TENM3: variants seen among roughly 807,000 people sequenced by gnomAD.
The protein encoded by TENM3 is teneurin-3.
Under a neutral mutation model 255.1 loss-of-function variants are expected in TENM3, and 63 were observed. That is an observed-to-expected ratio of 0.25 (90% CI 0.20 to 0.30). TENM3 has a LOEUF of 0.30. Among genes scored for constraint, TENM3 ranks in the 10% least tolerant of loss-of-function variants. TENM3 has a pLI of 1.00. For synonymous variants in TENM3, 1,306 were observed against 1,322.3 expected, an observed-to-expected ratio of 0.99 and a Z score of 0.27; for missense variants, 2,929 against 3,461.1, an observed-to-expected ratio of 0.85 and a Z score of 3.86.
chr4:182,481,386 TGTTA>T lies in TENM3; in HGVS notation c.512-119533_512-119530del, dbSNP rs767068658. On this transcript the variant is annotated intron_variant, in intron 3 of 27. Coordinates refer to ENST00000511685, the MANE Select transcript of TENM3 (RefSeq NM_001080477.4). ...ATTCTTATGAAATAAGTATAGCTCC[TGTTA>T]GTTATCTGTTTTAAACAATCTTTTG... Among the ~76,000 whole-genome samples, 16 of 152,234 alleles carry T rather than the reference TGTTA, an allele frequency of 1.1e-4. 1 individual carries two copies. The highest frequency in any genetic ancestry group is 5.8e-4 in the East Asian group (3 of 5,206).
chr4:182,539,198 G>C (rs1390278443), intron 3 of TENM3, among the ~76,000 whole-genome samples: 1 of 151,346 alleles, frequency 6.6e-6, no homozygotes, highest in African/African-American at 2.4e-5. Flanking sequence ...CATGGAGGAA[G>C]TGCTGAGAGA....
At chr4:182,715,105 A>G (rs1437662159) in intron 13 of TENM3, among the ~76,000 whole-genome samples, 1 of 152,150 alleles carries the variant, frequency 6.6e-6, no homozygotes, top group Non-Finnish European at 1.5e-5. Flanking sequence ...GCTGGTCCCA[A>G]ACTCCCGACC....
chr4:182,011,928 G>C, the TENM3 span, among the ~76,000 whole-genome samples: 1 of 152,166 alleles, frequency 6.6e-6, no homozygotes, highest in Non-Finnish European at 1.5e-5. Context: ...AAATAAACCA[G>C]TGTGTTATGG....
chr4:182,590,619 G>A (rs1026993049), intron 3 of TENM3, among the ~76,000 whole-genome samples: 6 of 151,220 alleles, frequency 4.0e-5, no homozygotes, highest in East Asian at 1.9e-4. Context: ...CAACACTTTG[G>A]GGGGCTGAGG....
the TENM3 span, among the ~76,000 whole-genome samples, chr4:181,847,329 CT>C: frequency 6.6e-6 from 1 of 152,166 alleles, no homozygotes; most frequent in South Asian, 2.1e-4. Context: ...TCACTATTTT[CT>C]TTTAAGTAAA....
chr4:182,802,944 CTTTAT>C lies in TENM3; in HGVS notation c.*2594_*2598del, dbSNP rs1420795736. On this transcript the variant is annotated 3_prime_UTR_variant, in exon 28 of 28. Transcript: ENST00000511685. ...TTGTTCTTTTCATTTGCCTTCTTAA[CTTTAT>C]ATGTGACCTGAATTTTCCATAACTT... 4 of 152,574 alleles carry C rather than the reference CTTTAT, an allele frequency of 2.6e-5. No homozygotes were observed. The highest frequency in any genetic ancestry group is 5.9e-5 in the Non-Finnish European group (4 of 68,044). The allele number at this position is 152,574 out of a possible 1,614,324, so 9.5% of individuals were successfully genotyped here. A position where few individuals can be genotyped will look rare whatever the true frequency, so the allele number is the denominator to read the frequency against.
At chr4:181,845,708 C>T in the TENM3 span, among the ~76,000 whole-genome samples, 34 of 152,144 alleles carry the variant, frequency 2.2e-4, no homozygotes, top group African/African-American at 4.1e-4. Context: ...CATTTATTAA[C>T]GCTCTATACC....
chr4:182,211,127 C>T (rs1265352371), intron 1 of TENM3, among the ~76,000 whole-genome samples: 4 of 152,216 alleles, frequency 2.6e-5, no homozygotes, highest in Non-Finnish European at 5.9e-5. Context: ...AGCAGCATTA[C>T]TCCCCTTAAG....
intron 22 of TENM3, among the ~76,000 whole-genome samples, chr4:182,763,232 A>G (rs1326826323): frequency 1.3e-5 from 2 of 152,238 alleles, no homozygotes; most frequent in East Asian, 3.9e-4. Context: ...TAAGTCAAGC[A>G]TCAGCTAGAA....
At chr4:182,387,658 C>T (rs917853129) in intron 3 of TENM3, among the ~76,000 whole-genome samples, 1 of 152,022 alleles carries the variant, frequency 6.6e-6, no homozygotes, top group Non-Finnish European at 1.5e-5. Context: ...ACGAGCCCAC[C>T]GGGAGGAAAG....
rs528027971 is a variant in TENM3 at position 182,252,591 on chromosome 4, T to C, written c.-76+9115T>C. 3.3e-5 allele frequency among the ~76,000 whole-genome samples: 5 copies of C among 152,332 alleles called. No individual in the cohort carries two copies. The South Asian group carries it at 1.0e-3, about 32-fold the overall frequency. On this transcript the variant is annotated intron_variant, in intron 1 of 27. Transcript: ENST00000511685. ...TAGACCTTCAGAGTCCCTCCTATTGTTATTTTTTTCCAGATCACTGTTACG... is the reference window on the plus strand; with the variant it reads ...TAGACCTTCAGAGTCCCTCCTATTGCTATTTTTTTCCAGATCACTGTTACG...
chr4:182,771,684 G>C (rs1561229660), intron 22 of TENM3, among the ~76,000 whole-genome samples: 1 of 152,138 alleles, frequency 6.6e-6, no homozygotes, highest in Non-Finnish European at 1.5e-5. Context: ...CTGTAACTCT[G>C]CGCTGCTTGT....
the TENM3 span, among the ~76,000 whole-genome samples, chr4:182,071,955 A>T: frequency 1.3e-5 from 2 of 152,176 alleles, no homozygotes; most frequent in African/African-American, 4.8e-5. Flanking sequence ...AAACAAAACA[A>T]AACAAAAAAA....
At chr4:181,801,673 T>TATATATATATAC in the TENM3 span, among the ~76,000 whole-genome samples, 3 of 71,036 alleles carry the variant, frequency 4.2e-5, no homozygotes, top group South Asian at 1.5e-3. Flanking sequence ...TATATATATA[T>TATATATATATAC]ATATATATAT....
chr4:181,550,148 G>T, the TENM3 span, among the ~76,000 whole-genome samples: 1 of 152,146 alleles, frequency 6.6e-6, no homozygotes, highest in African/African-American at 2.4e-5. Flanking sequence ...GTCACAAAAT[G>T]TCTTTTCATA....
At chr4:181,827,645 T>C in the TENM3 span, among the ~76,000 whole-genome samples, 1 of 152,218 alleles carries the variant, frequency 6.6e-6, no homozygotes, top group Non-Finnish European at 1.5e-5. Context: ...ATTTCAATCA[T>C]TGGTTCTTCG....
At chr4:181,952,544 A>G in the TENM3 span, among the ~76,000 whole-genome samples, 1 of 152,228 alleles carries the variant, frequency 6.6e-6, no homozygotes, top group Non-Finnish European at 1.5e-5. Flanking sequence ...AGACACCAAT[A>G]TTCGGAAGGG....
At chr4:181,641,758 GTA>G in the TENM3 span, among the ~76,000 whole-genome samples, 8 of 101,908 alleles carry the variant, frequency 7.9e-5, no homozygotes, top group Non-Finnish European at 9.5e-5. Context: ...ACCATGGTGT[GTA>G]TATATATATA....
chr4:181,580,242 C>T, the TENM3 span, among the ~76,000 whole-genome samples: 2 of 152,080 alleles, frequency 1.3e-5, no homozygotes, highest in African/African-American at 4.8e-5. Flanking sequence ...AGGTGACCCA[C>T]CAGCCTCGGC....
Sources: gnomAD v4.1 joint callset for allele counts (sites outside exome capture counted in the v4.1 genomes callset) on GRCh38, gnomAD v4.1.1 for gene constraint, MANE v1.5 for transcripts, NCBI Gene and HGNC (gene_info 2026-07-23, HGNC 2026-07-21) for gene names.